SIMC1: variants seen among roughly 807,000 people sequenced by gnomAD.
SIMC1 encodes SUMO-interacting motif-containing protein 1.
Under a neutral mutation model 82.3 loss-of-function variants are expected in SIMC1, and 55 were observed. The ratio of observed to expected loss-of-function variants is 0.67; its 90% CI spans 0.54 to 0.84. The LOEUF (loss-of-function observed/expected upper bound fraction) is 0.84, where lower values mean the gene tolerates loss of function less well. Ranked by LOEUF, SIMC1 falls within the 40% of genes least tolerant of loss-of-function variation. The pLI is 0.00. For missense variants in SIMC1, 915 were observed against 1,107.2 expected, an observed-to-expected ratio of 0.83 and a Z score of 2.46; for synonymous variants, 353 against 426.3, an observed-to-expected ratio of 0.83 and a Z score of 2.12.
intron 7 of SIMC1, among the ~76,000 whole-genome samples, chr5:176,329,743 A>AT (rs897180478): frequency 6.6e-6 from 1 of 152,140 alleles, no homozygotes. Flanking sequence ...TTCAAAAACG[A>AT]TTTTATGTGT....
Position 176,345,364 on chromosome 5 carries a change from C to T in SIMC1, c.2595C>T (p.His865=), listed in dbSNP as rs776986164. 1.9e-6 allele frequency: 3 copies of T among 1,613,990 alleles called. No homozygotes were observed. The highest frequency in any genetic ancestry group is 1.1e-5 in the South Asian group (1 of 91,076). Residue 865 remains histidine (H), a synonymous_variant, in exon 10 of 10, where the codon CAC becomes CAT. Coordinates refer to ENST00000429602, the MANE Select transcript of SIMC1 (RefSeq NM_001308195.2). Reference sequence around the variant, plus strand: ...TCCCCCAACTCCAAGACAAAGTGCACTTGTTGAAGCTCCTGCTCTTCTATG... The same window carrying T: ...TCCCCCAACTCCAAGACAAAGTGCATTTGTTGAAGCTCCTGCTCTTCTATG... The part of the protein sequence containing the change: ...PLVPQLQDKV[H]LLKLLLFYAA...
At chr5:176,322,064 AT>A (rs1179056148) in intron 5 of SIMC1, among the ~76,000 whole-genome samples, 1 of 151,884 alleles carries the variant, frequency 6.6e-6, no homozygotes, top group East Asian at 1.9e-4. Flanking sequence ...GTTAAATGTG[AT>A]GTTTTTATTA....
chr5:176,308,598 CAAAA>C lies in SIMC1; in HGVS notation c.1735-5092_1735-5089del, dbSNP rs1202062459. The C allele has an allele frequency of 1.9e-6, 3 of 1,583,068 alleles. No individual in the cohort carries two copies. In the African/African-American group the frequency reaches 4.0e-5, roughly 21 times the overall value. ...CACTTGCTTCCAATCCATACAGGCC[CAAAA>C]GAGTTCAGAGTCCCTTCATGGTCCA... On this transcript the variant is annotated intron_variant, in intron 4 of 9. Coordinates refer to ENST00000429602, the MANE Select transcript of SIMC1 (RefSeq NM_001308195.2).
In SIMC1 at chr5:176,271,850, A is replaced by G. The variant is rs1355628554; in HGVS notation, c.130-17804A>G. ...TGTCTCAAAATATCTCATGTACCCC[A>G]TAGATATATATTATATATAATATAT... On this transcript the variant is annotated intron_variant, in intron 1 of 9. Transcript: ENST00000429602. Among the ~76,000 whole-genome samples, 9 of 146,454 alleles carry G rather than the reference A, an allele frequency of 6.1e-5. No homozygotes were observed. The South Asian group carries it at 1.9e-3, about 31-fold the overall frequency.
chr5:176,325,112 A>C (rs919219578), intron 7 of SIMC1, among the ~76,000 whole-genome samples: 1 of 152,100 alleles, frequency 6.6e-6, no homozygotes, highest in Non-Finnish European at 1.5e-5. Flanking sequence ...GGGTGCAGTG[A>C]CTCGTACCTG....
chr5:176,308,240 C>A (rs1015257895), intron 4 of SIMC1: 1 of 1,540,612 alleles, frequency 6.5e-7, no homozygotes, highest in Non-Finnish European at 8.9e-7. Context: ...AACTGAAATG[C>A]GCACAGTTGC....
chr5:176,312,077 GATA>G (rs1764687065), intron 4 of SIMC1, among the ~76,000 whole-genome samples: 1 of 152,216 alleles, frequency 6.6e-6, no homozygotes, highest in Non-Finnish European at 1.5e-5. Context: ...GAAAGCAATA[GATA>G]ATGTCTACAG....
chr5:176,305,894 G>T (rs1326732757), intron 4 of SIMC1, among the ~76,000 whole-genome samples: 7 of 88,028 alleles, frequency 8.0e-5, no homozygotes, highest in African/African-American at 1.4e-4. Flanking sequence ...CGCCCCGTCC[G>T]GGAGGTGAGG....
intron 1 of SIMC1, among the ~76,000 whole-genome samples, chr5:176,282,969 G>A (rs1039309304): frequency 6.6e-6 from 1 of 152,038 alleles, no homozygotes; most frequent in African/African-American, 2.4e-5. Context: ...AGAGAAGTTT[G>A]GAGAAAAAAG....
intron 4 of SIMC1, among the ~76,000 whole-genome samples, chr5:176,306,721 C>T (rs987940730): frequency 2.0e-5 from 3 of 151,368 alleles, no homozygotes; most frequent in Admixed American, 1.3e-4. Context: ...GCAGCATGCT[C>T]GTTAAGAGTC....
chr5:176,273,907 T>A (rs1285236703), intron 1 of SIMC1, among the ~76,000 whole-genome samples: 1 of 151,940 alleles, frequency 6.6e-6, no homozygotes. Flanking sequence ...TCTATCATTG[T>A]TGGACATTTG....
chr5:176,314,004 C>T (rs1764790902), intron 5 of SIMC1, among the ~76,000 whole-genome samples, 159 bp downstream of exon 5: 1 of 152,196 alleles, frequency 6.6e-6, no homozygotes, highest in African/African-American at 2.4e-5. Flanking sequence ...CAGTGATTCA[C>T]ACCTGTAATC....
At chr5:176,279,838 A>G (rs1250690285) in intron 1 of SIMC1, among the ~76,000 whole-genome samples, 1 of 151,986 alleles carries the variant, frequency 6.6e-6, no homozygotes, top group African/African-American at 2.4e-5. Context: ...GGTCTGAGAG[A>G]TAGTTTGTTG....
At chr5:176,300,733 T>A (rs1024755977) in intron 4 of SIMC1, among the ~76,000 whole-genome samples, 13 of 152,208 alleles carry the variant, frequency 8.5e-5, no homozygotes, top group Non-Finnish European at 1.3e-4. Flanking sequence ...ATAGAATTTT[T>A]AAAAATTACT....
rs190558280 is a variant in SIMC1 at position 176,253,103 on chromosome 5, C to T, written c.129+14466C>T. ...AGATGGCAGCAGTACAGTCCAGCTT[C>T]GGCTCGGCATCAGAGGGAGACTGTG... On this transcript the variant is annotated intron_variant, in intron 1 of 9. Transcript: ENST00000429602. Among the ~76,000 whole-genome samples, 1,200 of 152,248 alleles carry T rather than the reference C, an allele frequency of 7.9e-3. 18 individuals are homozygous for T. The highest frequency in any genetic ancestry group is 0.025 in the African/African-American group (1,023 of 41,538).
At chr5:176,276,612 A>C (rs1762714959) in intron 1 of SIMC1, among the ~76,000 whole-genome samples, 1 of 105,910 alleles carries the variant, frequency 9.4e-6, no homozygotes, top group Admixed American at 1.2e-4. Context: ...CCCACCCCAC[A>C]ACAGTCCCCA....
At chr5:176,322,248 C>A (rs1197312473) in intron 5 of SIMC1, 25 bp from the exon 6 acceptor site, 9 of 1,531,752 alleles carry the variant, frequency 5.9e-6, no homozygotes, top group Non-Finnish European at 7.9e-6. Context: ...AAGAATAAAC[C>A]TTTTCTTTCT....
chr5:176,322,212 A>C (rs766231519), intron 5 of SIMC1, 61 bp from the exon 6 acceptor site: 35 of 1,338,198 alleles, frequency 2.6e-5, no homozygotes, highest in Middle Eastern at 2.4e-4. Context: ...TTCTTTCTTT[A>C]TTTTTTTTTT....
At chr5:176,286,612 G>T (rs1336775803) in intron 1 of SIMC1, among the ~76,000 whole-genome samples, 2 of 152,224 alleles carry the variant, frequency 1.3e-5, no homozygotes, top group Non-Finnish European at 2.9e-5. Context: ...AAAAGCAATG[G>T]CAGCAAAAGC....
Sources: gnomAD v4.1 joint callset for allele counts (sites outside exome capture counted in the v4.1 genomes callset) on GRCh38, gnomAD v4.1.1 for gene constraint, MANE v1.5 for transcripts, NCBI Gene and HGNC (gene_info 2026-07-23, HGNC 2026-07-21) for gene names.